The following MFHAS1 variants were observed in gnomAD, a reference collection of about 807,000 sequenced individuals.
MFHAS1 encodes malignant fibrous histiocytoma-amplified sequence 1.
A neutral mutation model predicts 70.4 loss-of-function variants in MFHAS1; 50 were observed. That is an observed-to-expected ratio of 0.71 (90% CI 0.57 to 0.90). The LOEUF (loss-of-function observed/expected upper bound fraction) is 0.90. Ranked by LOEUF, MFHAS1 falls within the 40% of genes least tolerant of loss-of-function variation. The probability of loss-of-function intolerance (pLI) is 0.00; values close to 1 mark genes in which losing one functional copy is unlikely to be tolerated. For synonymous variants in MFHAS1, 952 were observed against 620.0 expected, an observed-to-expected ratio of 1.54 and a Z score of -7.96; for missense variants, 1,795 against 1,347.6, an observed-to-expected ratio of 1.33 and a Z score of -5.20.
At chr8:8,816,063 T>G (rs758489491) in intron 1 of MFHAS1, among the ~76,000 whole-genome samples, 45 of 151,716 alleles carry the variant, frequency 3.0e-4, no homozygotes, top group Non-Finnish European at 5.0e-4. Context: ...AAAAACAGAG[T>G]GCATAGTGGA....
intron 1 of MFHAS1, among the ~76,000 whole-genome samples, chr8:8,842,051 C>T (rs1371010247): frequency 6.6e-6 from 1 of 152,188 alleles, no homozygotes; most frequent in East Asian, 1.9e-4. Context: ...AGGCTGAGTG[C>T]CAACAAGGCT....
At chr8:8,869,379 C>T (rs1478737551) in intron 1 of MFHAS1, among the ~76,000 whole-genome samples, 2 of 152,182 alleles carry the variant, frequency 1.3e-5, no homozygotes, top group African/African-American at 4.8e-5. Context: ...GGGCACGCTA[C>T]ATACATAATT....
intron 1 of MFHAS1, among the ~76,000 whole-genome samples, chr8:8,830,525 G>C (rs1807346615): frequency 6.6e-6 from 1 of 152,090 alleles, no homozygotes; most frequent in South Asian, 2.1e-4. Context: ...AGAGTTCTCT[G>C]GACCAATTTT....
intron 1 of MFHAS1, among the ~76,000 whole-genome samples, chr8:8,844,051 C>A (rs1027146992): frequency 6.6e-6 from 1 of 152,146 alleles, no homozygotes; most frequent in African/African-American, 2.4e-5. Flanking sequence ...AACGCAAATT[C>A]TAATCCTTTT....
chr8:8,800,012 T>C (rs1302244688), intron 1 of MFHAS1, among the ~76,000 whole-genome samples: 1 of 152,214 alleles, frequency 6.6e-6, no homozygotes, highest in African/African-American at 2.4e-5. Flanking sequence ...GGAACCCACT[T>C]CTGGGGCCCT....
At chr8:8,825,958 T>C (rs575515652) in intron 1 of MFHAS1, among the ~76,000 whole-genome samples, 17 of 152,318 alleles carry the variant, frequency 1.1e-4, no homozygotes, top group African/African-American at 3.8e-4. Context: ...CCTCTCATTT[T>C]GCAGTTGAGG....
rs747806262 is a variant in MFHAS1, at chr8:8,891,480, C to T, written c.1579G>A (p.Val527Met). ...ACGATGCACACCACCGCGTGGGGCACTCTCGCCCCGACCCGATGCAAGAAG... is the reference window on the plus strand; with the variant it reads ...ACGATGCACACCACCGCGTGGGGCATTCTCGCCCCGACCCGATGCAAGAAG... ...GSFLHRVGAR[V>M]PHAVVCIVGT... Residue 527 changes from valine (V) to methionine (M), a missense_variant, in exon 1 of 3, where the codon GTG becomes ATG. Coordinates refer to ENST00000276282, the MANE Select transcript of MFHAS1 (RefSeq NM_004225.3). This position sits in a 1 kb window ranked among gnomAD's most constrained non-coding sequence, Gnocchi z 5.4. 1 of 1,613,044 alleles carries T rather than the reference C, an allele frequency of 6.2e-7. No individual in the cohort carries two copies. Among genetic ancestry groups the T allele is most frequent in the Non-Finnish European group, 8.5e-7 (1 of 1,180,022 alleles).
intron 1 of MFHAS1, among the ~76,000 whole-genome samples, chr8:8,811,914 G>C (rs968713327): frequency 1.3e-5 from 2 of 152,142 alleles, no homozygotes; most frequent in African/African-American, 2.4e-5. Flanking sequence ...GGGTACACAA[G>C]TCACCACCTA....
chr8:8,847,239 T>C (rs574911663), intron 1 of MFHAS1, among the ~76,000 whole-genome samples: 25 of 152,334 alleles, frequency 1.6e-4, no homozygotes, highest in African/African-American at 5.5e-4. Context: ...TGGAGTACAA[T>C]GGCTTGATGT....
intron 1 of MFHAS1, among the ~76,000 whole-genome samples, chr8:8,881,130 T>C (rs1809507658): frequency 6.6e-6 from 1 of 152,174 alleles, no homozygotes; most frequent in Non-Finnish European, 1.5e-5. Flanking sequence ...CTTCTATAAA[T>C]TTACAGCAAA....
At chr8:8,884,690 C>T (rs1339217596) in intron 1 of MFHAS1, among the ~76,000 whole-genome samples, 7 of 152,138 alleles carry the variant, frequency 4.6e-5, no homozygotes, top group Non-Finnish European at 1.5e-5. Context: ...TCAGGCAGGG[C>T]ATGGTGGCTC....
chr8:8,799,870 T>A (rs573563242), intron 1 of MFHAS1, among the ~76,000 whole-genome samples: 20 of 152,308 alleles, frequency 1.3e-4, no homozygotes, highest in African/African-American at 4.8e-4. Context: ...AATGTACACC[T>A]CGTGTAATCT....
chr8:8,790,724 G>C (rs1805692194), intron 2 of MFHAS1, among the ~76,000 whole-genome samples: 1 of 152,144 alleles, frequency 6.6e-6, no homozygotes, highest in Non-Finnish European at 1.5e-5. Flanking sequence ...TCACGCCACT[G>C]CTTTTTAAAA....
Position 8,785,988 on chromosome 8 carries a change from T to C in MFHAS1, c.*34A>G, listed in dbSNP as rs1328580449. On this transcript the variant is annotated 3_prime_UTR_variant, in exon 3 of 3. Coordinates refer to ENST00000276282, the MANE Select transcript of MFHAS1 (RefSeq NM_004225.3). Reference sequence around the variant, plus strand: ...AGATGGTCCAGGTGTTCAGATGCTCTCTTTTCTCCATGGAAATTCCACAGC... The same window carrying C: ...AGATGGTCCAGGTGTTCAGATGCTCCCTTTTCTCCATGGAAATTCCACAGC... 6.2e-7 allele frequency: 1 copy of C among 1,612,808 alleles called. No homozygotes were observed. The highest frequency in any genetic ancestry group is 8.5e-7 in the Non-Finnish European group (1 of 1,178,838).
intron 1 of MFHAS1, among the ~76,000 whole-genome samples, chr8:8,854,423 A>G (rs543828546): frequency 2.8e-3 from 429 of 152,216 alleles, no homozygotes; most frequent in African/African-American, 9.9e-3. Flanking sequence ...CCGGAGGCTG[A>G]GGCAGGATAA....
chr8:8,788,797 T>C (rs185278823), intron 2 of MFHAS1, among the ~76,000 whole-genome samples: 19 of 152,282 alleles, frequency 1.2e-4, no homozygotes, highest in African/African-American at 4.3e-4. Flanking sequence ...CAGCGACCAA[T>C]GGGCCTTAAC....
Position 8,892,515 on chromosome 8 carries a change from GGGAGAGGCA to G in MFHAS1, c.535_543del (p.Cys179_Ser181del), listed in dbSNP as rs1810106647. The G allele has an allele frequency of 6.3e-7, 1 of 1,598,508 alleles. No individual in the cohort carries two copies. Among genetic ancestry groups the G allele is most frequent in the Admixed American group, 1.8e-5 (1 of 56,996 alleles). ...TGATCCACGTCCAGGGTGCGCAGGC[GGGAGAGGCA>G]GGAGAGGGAGTCAGGCAGGTGCGCC... On this transcript the variant is annotated inframe_deletion, in exon 1 of 3. Transcript: ENST00000276282. The surrounding 1 kb of genome is among the most constrained non-coding windows in gnomAD (Gnocchi z 4.7).
At chr8:8,786,289 T>C (rs1805540000) in intron 2 of MFHAS1, among the ~76,000 whole-genome samples, 1 of 152,240 alleles carries the variant, frequency 6.6e-6, no homozygotes, top group South Asian at 2.1e-4. Flanking sequence ...TAAGCTCAGT[T>C]CAGCTATAAG....
At chr8:8,876,631 C>T (rs2116920187) in intron 1 of MFHAS1, among the ~76,000 whole-genome samples, 1 of 151,954 alleles carries the variant, frequency 6.6e-6, no homozygotes, top group Admixed American at 6.5e-5. Context: ...CCCGCCTCGG[C>T]CTCCCAAAGT....
Sources: gnomAD v4.1 joint callset for allele counts (sites outside exome capture counted in the v4.1 genomes callset) on GRCh38, gnomAD v4.1.1 for gene constraint, Gnocchi (gnomAD v3.1) non-coding constraint, MANE v1.5 for transcripts, NCBI Gene and HGNC (gene_info 2026-07-23, HGNC 2026-07-21) for gene names.